Variants in EEF1AKMT2 observed in about 807,000 individuals in gnomAD.
EEF1AKMT2 encodes the protein eukaryotic translation elongation factor 1 alpha lysine methyltransferase 2.
EEF1AKMT2 carries 32 observed loss-of-function variants against 35.8 expected under a neutral mutation model. The observed-to-expected ratio is 0.89, with a 90% confidence interval of 0.67 to 1.20. The LOEUF is 1.20. EEF1AKMT2 is among the 50% of genes most tolerant of loss of function. The pLI is 0.00. For missense variants in EEF1AKMT2, 330 were observed against 347.5 expected (o/e 0.95, Z 0.40); for synonymous variants, 121 against 133.7 (o/e 0.91, Z 0.65).
At chr10:124,782,447 T>C (rs1172051186) in intron 3 of EEF1AKMT2, among the ~76,000 whole-genome samples, 5 of 151,520 alleles carry the variant, frequency 3.3e-5, no homozygotes, top group African/African-American at 1.2e-4. Flanking sequence ...CCGGGCGTGG[T>C]AGCGGGCGCC....
At chr10:124,774,854 CT>C in intron 3 of EEF1AKMT2, 72 bp from the exon 4 acceptor site, 1 of 660,084 alleles carries the variant, frequency 1.5e-6, no homozygotes, top group Non-Finnish European at 2.3e-6. Flanking sequence ...TATAATATTC[CT>C]TTAGGACTGG....
At chr10:124,779,747 CAAAAAAAA>C (rs34475748) in intron 3 of EEF1AKMT2, among the ~76,000 whole-genome samples, 3 of 28,174 alleles carry the variant, frequency 1.1e-4, no homozygotes, top group Non-Finnish European at 1.3e-4. Context: ...GACTCCATCT[CAAAAAAAA>C]AAAAAAAAAA....
intron 3 of EEF1AKMT2, among the ~76,000 whole-genome samples, chr10:124,785,333 T>C (rs1046025279): frequency 1.3e-5 from 2 of 151,314 alleles, no homozygotes; most frequent in Admixed American, 6.6e-5. Context: ...TAAGTGACCC[T>C]GTGTTAGGCA....
chr10:124,768,350 C>T (rs1950398298), intron 4 of EEF1AKMT2, among the ~76,000 whole-genome samples: 1 of 152,058 alleles, frequency 6.6e-6, no homozygotes, highest in South Asian at 2.1e-4. Flanking sequence ...GGCTCATGCC[C>T]ATAATCCCAG....
intron 3 of EEF1AKMT2, among the ~76,000 whole-genome samples, chr10:124,783,545 T>G (rs1321550890): frequency 6.6e-6 from 1 of 152,204 alleles, no homozygotes; most frequent in African/African-American, 2.4e-5. Flanking sequence ...AAGGTTAAAC[T>G]TACCGAGTAT....
chr10:124,786,725 G>C (rs1054663427), intron 3 of EEF1AKMT2, among the ~76,000 whole-genome samples: 1 of 151,392 alleles, frequency 6.6e-6, no homozygotes, highest in African/African-American at 2.4e-5. Flanking sequence ...CAGGAAAATC[G>C]CTTGAACCCA....
intron 1 of EEF1AKMT2, among the ~76,000 whole-genome samples, chr10:124,790,621 C>G (rs757518484): frequency 9.2e-5 from 14 of 152,194 alleles, no homozygotes; most frequent in Admixed American, 3.3e-4. Flanking sequence ...CATTTGTCCA[C>G]GTATCCCTAA....
intron 3 of EEF1AKMT2, among the ~76,000 whole-genome samples, chr10:124,782,673 G>A (rs977307690): frequency 5.3e-5 from 8 of 151,176 alleles, no homozygotes; most frequent in Non-Finnish European, 1.2e-4. Flanking sequence ...GTAGCCGTGT[G>A]TGGTGGCGGG....
chr10:124,767,601 A>G (rs1308892775), intron 4 of EEF1AKMT2, among the ~76,000 whole-genome samples: 1 of 152,168 alleles, frequency 6.6e-6, no homozygotes, highest in Non-Finnish European at 1.5e-5. Flanking sequence ...TAAGCTAAAT[A>G]AGTAACTTCA....
intron 3 of EEF1AKMT2, among the ~76,000 whole-genome samples, chr10:124,787,657 G>A (rs1391285153): frequency 6.6e-6 from 1 of 151,576 alleles, no homozygotes; most frequent in Non-Finnish European, 1.5e-5. Flanking sequence ...GAGGCGACAG[G>A]ATCGCTTGAG....
At chr10:124,756,638 T>A (rs1316502871), downstream of EEF1AKMT2, among the ~76,000 whole-genome samples, 1 of 152,196 alleles carries the variant, frequency 6.6e-6, no homozygotes, top group African/African-American at 2.4e-5. Context: ...CATCTTGACA[T>A]CTAAGCTGGA....
In EEF1AKMT2 at chr10:124,773,660, A is replaced by G. The variant is rs548363050; in HGVS notation, c.399+1015T>C. ...GAGCAGACAGAACATACATTTATCA[A>G]TTAAGCTCACCATCTTACGTGGGCA... is the stretch of plus-strand genomic sequence containing the variant. On this transcript the variant is annotated intron_variant, in intron 4 of 6. Transcript: ENST00000368836. Among the ~76,000 whole-genome samples the G allele has an allele frequency of 3.8e-4, 58 of 152,322 alleles. No homozygotes were observed. The South Asian group carries it at 7.5e-3, about 20-fold the overall frequency.
intron 3 of EEF1AKMT2, among the ~76,000 whole-genome samples, chr10:124,786,334 G>A (rs1351421755): frequency 4.0e-5 from 6 of 151,660 alleles, no homozygotes; most frequent in Non-Finnish European, 2.9e-5. Flanking sequence ...GTGAAACCCC[G>A]TCTCTACTGA....
In EEF1AKMT2 at chr10:124,759,339, T is replaced by A. The variant is rs886467134; in HGVS notation, c.*1164A>T. The A allele has an allele frequency of 1.3e-5, 2 of 152,178 alleles. No homozygotes were observed. Among genetic ancestry groups the A allele is most frequent in the East Asian group, 1.9e-4 (1 of 5,198 alleles). 9.4% of individuals were successfully genotyped at this position (152,178 alleles called of 1,614,324 possible). A position where few individuals can be genotyped will look rare whatever the true frequency, so the allele number is the denominator to read the frequency against. ...CACAGAAGAATGACAAAATTCTTAA[T>A]AGAGGCAAGTCTTTGAGTAGGGAGA... On this transcript the variant is annotated 3_prime_UTR_variant, in exon 7 of 7. Transcript: ENST00000368836.
chr10:124,776,010 C>T (rs965133794), intron 3 of EEF1AKMT2, among the ~76,000 whole-genome samples: 5 of 151,932 alleles, frequency 3.3e-5, no homozygotes, highest in East Asian at 3.9e-4. Flanking sequence ...CTCTGCCTCC[C>T]GGGTTCACAC....
At position 124,791,857 on chromosome 10, in the gene EEF1AKMT2, G is replaced by A. The variant is rs776425646; in HGVS notation, c.-24C>T. On this transcript the variant is annotated 5_prime_UTR_variant, in exon 1 of 7. It adds an upstream start codon to the 5' untranslated region. Transcript: ENST00000368836. ...ATTTCGCTCCACGTCCTGGACGGCC[G>A]TTGGGGCCGCCATAGAGACGGGGCA... 11 of 1,544,658 alleles carry A rather than the reference G, an allele frequency of 7.1e-6. No homozygotes were observed. In the East Asian group the frequency reaches 7.3e-5, roughly 10 times the overall value.
chr10:124,770,309 C>T (rs1465547092), intron 4 of EEF1AKMT2, among the ~76,000 whole-genome samples: 4 of 151,792 alleles, frequency 2.6e-5, no homozygotes, highest in East Asian at 1.9e-4. Context: ...CCCAGCTACT[C>T]GGGAGGCTGA....
intron 2 of EEF1AKMT2, among the ~76,000 whole-genome samples, chr10:124,789,465 C>T (rs913727438): frequency 3.3e-5 from 5 of 152,022 alleles, no homozygotes; most frequent in African/African-American, 4.8e-5. Flanking sequence ...TGTCATCAAA[C>T]GTAAATGTGA....
intron 4 of EEF1AKMT2, among the ~76,000 whole-genome samples, chr10:124,771,105 C>CTT (rs34982773): frequency 4.1e-5 from 6 of 145,430 alleles, no homozygotes; most frequent in East Asian, 2.0e-4. Flanking sequence ...TTTCTTTTTT[C>CTT]TTTTTTTTTT....
Sources: allele counts gnomAD v4.1 joint callset (sites outside exome capture counted in the v4.1 genomes callset), GRCh38; gene constraint gnomAD v4.1.1; transcripts MANE v1.5; gene names NCBI Gene and HGNC (gene_info 2026-07-23, HGNC 2026-07-21).